The following NEK1 variants were observed in gnomAD, a reference collection of about 807,000 sequenced individuals.
NEK1 encodes the protein NIMA related kinase 1.
A neutral mutation model predicts 182.1 loss-of-function variants in NEK1; 137 were observed. The observed-to-expected ratio is 0.75, with a 90% CI of 0.65 to 0.87. The LOEUF is 0.87. NEK1 is among the 40% of genes least tolerant of loss of function. The pLI is 0.00. For missense variants in NEK1, 1,391 were observed against 1,494.4 expected (o/e 0.93, Z 1.14); for synonymous variants, 513 against 492.2 (o/e 1.04, Z -0.56).
chr4:169,585,212 G>A, intron 10 of NEK1, 137 bp downstream of exon 10: 1 of 604,004 alleles, frequency 1.7e-6, no homozygotes, highest in Non-Finnish European at 2.9e-6. Context: ...ACCATGGAAA[G>A]GAAAGTGACA....
At chr4:169,523,818 CTAACA>C (rs988887389) in intron 19 of NEK1, among the ~76,000 whole-genome samples, 7 of 152,082 alleles carry the variant, frequency 4.6e-5, no homozygotes, top group African/African-American at 1.7e-4. Context: ...AGCATGAAAC[CTAACA>C]TATTACAGTC....
intron 12 of NEK1, among the ~76,000 whole-genome samples, chr4:169,575,919 A>AT (rs1328579042): frequency 2.6e-5 from 4 of 151,720 alleles, no homozygotes; most frequent in Admixed American, 1.3e-4. Flanking sequence ...TAAAAAAAAA[A>AT]TTTTTTTACA....
At chr4:169,494,443 C>G (rs568895407) in intron 23 of NEK1, among the ~76,000 whole-genome samples, 6 of 152,272 alleles carry the variant, frequency 3.9e-5, no homozygotes, top group Admixed American at 6.5e-5. Flanking sequence ...TTTTTGATGG[C>G]TGCATAGTAT....
intron 31 of NEK1, among the ~76,000 whole-genome samples, chr4:169,419,080 A>G (rs1163941771): frequency 2.6e-5 from 4 of 152,170 alleles, no homozygotes; most frequent in Non-Finnish European, 5.9e-5. Context: ...TGCTAGTCCT[A>G]TAAAACCTTA....
chr4:169,611,808 G>A (rs990169143), intron 2 of NEK1, among the ~76,000 whole-genome samples: 1 of 152,084 alleles, frequency 6.6e-6, no homozygotes, highest in South Asian at 2.1e-4. Context: ...TCCCATTACC[G>A]CTCTAGTTTT....
intron 19 of NEK1, among the ~76,000 whole-genome samples, chr4:169,511,363 C>A (rs1435300484): frequency 6.6e-6 from 1 of 152,028 alleles, no homozygotes; most frequent in African/African-American, 2.4e-5. Flanking sequence ...GAGATAAATT[C>A]TGAAAAGGCA....
At chr4:169,477,584 G>A in intron 24 of NEK1, 87 bp from the exon 25 acceptor site, 1 of 1,022,962 alleles carries the variant, frequency 9.8e-7, no homozygotes, top group South Asian at 1.8e-5. Flanking sequence ...TTACTTTTTG[G>A]TTTTCATTAA....
intron 18 of NEK1, among the ~76,000 whole-genome samples, chr4:169,545,769 A>T (rs572657020): frequency 6.6e-6 from 1 of 151,966 alleles, no homozygotes; most frequent in Non-Finnish European, 1.5e-5. Flanking sequence ...AATATCTCAT[A>T]GTGGTTTTGA....
intron 19 of NEK1, among the ~76,000 whole-genome samples, chr4:169,525,746 C>T (rs997947376): frequency 1.3e-5 from 2 of 152,144 alleles, no homozygotes; most frequent in Non-Finnish European, 1.5e-5. Context: ...TATCTGCCTG[C>T]CCCCACTTTG....
chr4:169,599,297 CA>C, intron 4 of NEK1, 100 bp from the exon 5 acceptor site: 2 of 776,980 alleles, frequency 2.6e-6, no homozygotes, highest in Non-Finnish European at 4.1e-6. Context: ...AGCTGCTGAA[CA>C]AAAAACAGGA....
intron 31 of NEK1, among the ~76,000 whole-genome samples, chr4:169,408,390 T>A (rs892708461): frequency 6.6e-6 from 1 of 152,156 alleles, no homozygotes; most frequent in African/African-American, 2.4e-5. Context: ...TCCCCCCACC[T>A]ACTCCCCCAT....
chr4:169,400,483 T>A (rs760312165), intron 34 of NEK1, 38 bp downstream of exon 34: 9 of 1,566,056 alleles, frequency 5.7e-6, no homozygotes, highest in South Asian at 2.5e-5. Context: ...CCTTCAAACA[T>A]AGCACATTTT....
At position 169,590,906 on chromosome 4, in the gene NEK1, T is replaced by C. The variant is rs1768371850; in HGVS notation, c.313-97A>G. On this transcript the variant is annotated intron_variant, in intron 5 of 35. Coordinates refer to ENST00000507142, the MANE Select transcript of NEK1 (RefSeq NM_001199397.3). ...GAGGAACTAAATCCTTAAAAAGATA[T>C]TTTAGGCTACAATTTCTTTTAACTT... The C allele has an allele frequency of 3.8e-6, 3 of 796,174 alleles. No individual in the cohort carries two copies. In the South Asian group the frequency reaches 5.1e-5, roughly 14 times the overall value. 49.3% of individuals were successfully genotyped at this position (796,174 alleles called of 1,614,324 possible). A position where few individuals can be genotyped will look rare whatever the true frequency, so the allele number is the denominator to read the frequency against.
chr4:169,437,631 T>C (rs1441522507), intron 28 of NEK1, among the ~76,000 whole-genome samples: 1 of 152,148 alleles, frequency 6.6e-6, no homozygotes, highest in African/African-American at 2.4e-5. Context: ...GGCCATCACA[T>C]AAGAAGTCAG....
intron 26 of NEK1, among the ~76,000 whole-genome samples, chr4:169,464,347 T>C (rs1561234557): frequency 6.6e-6 from 1 of 152,134 alleles, no homozygotes; most frequent in Non-Finnish European, 1.5e-5. Context: ...ATGCTGTCTT[T>C]CATTTTATGG....
chr4:169,555,664 A>G (rs764148632), intron 18 of NEK1, 56 bp downstream of exon 18: 15 of 1,607,768 alleles, frequency 9.3e-6, no homozygotes, highest in Non-Finnish European at 1.3e-5. Context: ...TAAGCTATGT[A>G]TGACAAACGA....
intron 23 of NEK1, among the ~76,000 whole-genome samples, chr4:169,484,063 G>C (rs1748610809): frequency 6.6e-6 from 1 of 152,078 alleles, no homozygotes; most frequent in South Asian, 2.1e-4. Flanking sequence ...CTGAATAGTA[G>C]CAGTATTTTT....
intron 27 of NEK1, among the ~76,000 whole-genome samples, chr4:169,460,631 T>C (rs886710394): frequency 6.6e-6 from 1 of 151,868 alleles, no homozygotes; most frequent in Non-Finnish European, 1.5e-5. Context: ...ATAAACTCAA[T>C]GCCAAAATAT....
chr4:169,533,760 A>G (rs1356500977), intron 19 of NEK1, among the ~76,000 whole-genome samples: 1 of 152,236 alleles, frequency 6.6e-6, no homozygotes, highest in Non-Finnish European at 1.5e-5. Context: ...TTTAAAGTAC[A>G]TTACATGCAG....
Sources: allele counts gnomAD v4.1 joint callset (sites outside exome capture counted in the v4.1 genomes callset), GRCh38; gene constraint gnomAD v4.1.1; transcripts MANE v1.5; gene names NCBI Gene and HGNC (gene_info 2026-07-23, HGNC 2026-07-21).